The following ADAM32 variants were observed in gnomAD, a reference collection of about 807,000 sequenced individuals.
ADAM32 encodes disintegrin and metalloproteinase domain-containing protein 32.
Under a neutral mutation model 114.9 loss-of-function variants are expected in ADAM32, and 89 were observed. The observed-to-expected ratio is 0.77, with a 90% CI of 0.65 to 0.92. ADAM32 has a LOEUF of 0.92. ADAM32 is among the 40% of genes least tolerant of loss of function. The probability of loss-of-function intolerance (pLI) is 0.00; values close to 1 mark genes in which losing one functional copy is unlikely to be tolerated. For synonymous variants in ADAM32, 285 were observed against 307.5 expected (o/e 0.93, Z 0.77); for missense variants, 870 against 932.8 (o/e 0.93, Z 0.88).
intron 16 of ADAM32, among the ~76,000 whole-genome samples, chr8:39,240,893 C>A (rs1810510098): frequency 6.6e-6 from 1 of 152,116 alleles, no homozygotes; most frequent in African/African-American, 2.4e-5. Context: ...TCCTAACAGT[C>A]CCCCAAAGTC....
At position 39,272,666 on chromosome 8, in the gene ADAM32, A is replaced by T. The variant is rs867839079; in HGVS notation, c.2202-1646A>T. ...GCAGGACTGGAAGTTGCTCCGGGTGAGTCAGTGAGTGAGTGGTGAGTGAAT... is the reference window on the plus strand; with the variant it reads ...GCAGGACTGGAAGTTGCTCCGGGTGTGTCAGTGAGTGAGTGGTGAGTGAAT... On this transcript the variant is annotated intron_variant, in intron 20 of 24. Coordinates refer to ENST00000379907, the MANE Select transcript of ADAM32 (RefSeq NM_145004.7). Among the ~76,000 whole-genome samples, 4 of 152,292 alleles carry T rather than the reference A, an allele frequency of 2.6e-5. No individual in the cohort carries two copies. In the South Asian group the frequency reaches 6.2e-4, roughly 24 times the overall value.
At position 39,192,782 on chromosome 8, in the gene ADAM32, T is replaced by C. The variant is rs28783496; in HGVS notation, c.1052+5737T>C. On this transcript the variant is annotated intron_variant, in intron 11 of 24. Coordinates refer to ENST00000379907, the MANE Select transcript of ADAM32 (RefSeq NM_145004.7). Reference sequence around the variant, plus strand: ...TTCACCTTCGCTTATGAAGCTTAGTTTGGCCAAATATGAAATTCTTGGTTG... The same window carrying C: ...TTCACCTTCGCTTATGAAGCTTAGTCTGGCCAAATATGAAATTCTTGGTTG... Among the ~76,000 whole-genome samples the C allele has an allele frequency of 6.4e-3, 982 of 152,348 alleles. 6 individuals are homozygous for C. Among genetic ancestry groups the C allele is most frequent in the African/African-American group, 0.022 (917 of 41,598 alleles).
intron 14 of ADAM32, among the ~76,000 whole-genome samples, chr8:39,229,414 T>A (rs906633009): frequency 1.3e-5 from 2 of 152,122 alleles, no homozygotes; most frequent in African/African-American, 4.8e-5. Context: ...GCAGAATGTA[T>A]AAAAACTCAT....
At chr8:39,150,107 G>A (rs566028576) in intron 5 of ADAM32, among the ~76,000 whole-genome samples, 11 of 152,106 alleles carry the variant, frequency 7.2e-5, no homozygotes, top group African/African-American at 2.4e-4. Flanking sequence ...TATGTCTTAC[G>A]TTTCCTTAAC....
chr8:39,273,481 C>T (rs1473924736), intron 20 of ADAM32, among the ~76,000 whole-genome samples: 9 of 152,078 alleles, frequency 5.9e-5, no homozygotes, highest in Non-Finnish European at 1.3e-4. Context: ...GAGACAAGAT[C>T]TCGACATTGC....
At chr8:39,231,975 A>G in intron 14 of ADAM32, 52 bp from the exon 15 acceptor site, 1 of 1,365,026 alleles carries the variant, frequency 7.3e-7, no homozygotes, top group Non-Finnish European at 1.0e-6. Context: ...AAATGGAGGA[A>G]GATGAAAAAC....
intron 19 of ADAM32, among the ~76,000 whole-genome samples, chr8:39,267,147 G>T (rs558246414): frequency 1.3e-5 from 2 of 152,314 alleles, no homozygotes; most frequent in African/African-American, 2.4e-5. Context: ...GTAGGTGGGG[G>T]TTCCCCCATT....
chr8:39,159,632 AG>A (rs1804362670), intron 6 of ADAM32, among the ~76,000 whole-genome samples: 1 of 152,130 alleles, frequency 6.6e-6, no homozygotes, highest in Admixed American at 6.6e-5. Flanking sequence ...TCCTTGCTCC[AG>A]GTGGCTGCAG....
At chr8:39,135,841 T>C (rs541398734) in intron 2 of ADAM32, among the ~76,000 whole-genome samples, 1 of 152,328 alleles carries the variant, frequency 6.6e-6, no homozygotes, top group African/African-American at 2.4e-5. Context: ...CATGACATCA[T>C]ATCATGGGGT....
intron 10 of ADAM32, among the ~76,000 whole-genome samples, chr8:39,182,314 A>C (rs2129446964): frequency 6.6e-6 from 1 of 152,330 alleles, no homozygotes; most frequent in African/African-American, 2.4e-5. Flanking sequence ...AAAGCTCTGG[A>C]AGATTAAAAA....
chr8:39,264,437 G>GATC (rs1165156836), intron 19 of ADAM32, among the ~76,000 whole-genome samples: 2 of 152,000 alleles, frequency 1.3e-5, no homozygotes, highest in Non-Finnish European at 2.9e-5. Context: ...TGGTTATTTG[G>GATC]ATCATCTCTT....
At chr8:39,163,369 T>A (rs1485879816) in intron 7 of ADAM32, among the ~76,000 whole-genome samples, 1 of 152,214 alleles carries the variant, frequency 6.6e-6, no homozygotes, top group Non-Finnish European at 1.5e-5. Flanking sequence ...GTCATTGAAA[T>A]ATTTTAAATA....
intron 14 of ADAM32, among the ~76,000 whole-genome samples, chr8:39,231,356 C>G (rs565826840): frequency 8.3e-6 from 1 of 120,836 alleles, no homozygotes; most frequent in Non-Finnish European, 1.7e-5. Context: ...AACTGAACTA[C>G]TAACAACCAG....
At chr8:39,184,518 G>A (rs1806099945) in intron 10 of ADAM32, among the ~76,000 whole-genome samples, 1 of 152,176 alleles carries the variant, frequency 6.6e-6, no homozygotes, top group Non-Finnish European at 1.5e-5. Context: ...AGTAGACTAA[G>A]GTGGTATTCA....
intron 16 of ADAM32, among the ~76,000 whole-genome samples, chr8:39,237,771 C>A (rs770674239): frequency 9.9e-5 from 15 of 152,258 alleles, no homozygotes; most frequent in Non-Finnish European, 1.6e-4. Context: ...CCAACTCTGC[C>A]CTCATCTGAT....
intron 11 of ADAM32, among the ~76,000 whole-genome samples, chr8:39,209,519 A>G (rs1174360045): frequency 6.6e-6 from 1 of 152,130 alleles, no homozygotes; most frequent in Non-Finnish European, 1.5e-5. Context: ...ATTTTCCTGA[A>G]TGTTATTAAT....
intron 11 of ADAM32, among the ~76,000 whole-genome samples, chr8:39,189,564 G>A (rs1806467454): frequency 6.6e-6 from 1 of 150,942 alleles, no homozygotes; most frequent in African/African-American, 2.4e-5. Flanking sequence ...GATCAAATCA[G>A]GGTATTTAGA....
intron 10 of ADAM32, among the ~76,000 whole-genome samples, chr8:39,179,912 A>T (rs1805746235): frequency 6.6e-6 from 1 of 152,038 alleles, no homozygotes; most frequent in Non-Finnish European, 1.5e-5. Flanking sequence ...CTTCAATGAA[A>T]ACACTTTTAT....
intron 10 of ADAM32, among the ~76,000 whole-genome samples, chr8:39,178,873 G>C (rs1247580794): frequency 6.6e-6 from 1 of 152,148 alleles, no homozygotes; most frequent in Non-Finnish European, 1.5e-5. Flanking sequence ...GTGAAGGCTA[G>C]GAAACAGCAA....
Sources: gnomAD v4.1 joint callset for allele counts (sites outside exome capture counted in the v4.1 genomes callset) on GRCh38, gnomAD v4.1.1 for gene constraint, MANE v1.5 for transcripts, NCBI Gene and HGNC (gene_info 2026-07-23, HGNC 2026-07-21) for gene names.